Variants in NOX4 observed in about 807,000 individuals in gnomAD.
NOX4 encodes kidney oxidase-1.
A neutral mutation model predicts 87.6 loss-of-function variants in NOX4; 69 were observed. The ratio of observed to expected loss-of-function variants is 0.79; its 90% confidence interval spans 0.65 to 0.96. NOX4 has a LOEUF of 0.96. Among genes scored for constraint, NOX4 ranks in the 40% least tolerant of loss-of-function variants. NOX4 has a pLI of 0.00. For synonymous variants in NOX4, 275 were observed against 238.2 expected (o/e 1.15, Z -1.42); for missense variants, 680 against 681.5 (o/e 1.00, Z 0.02).
At chr11:89,556,287 A>T in the NOX4 span, among the ~76,000 whole-genome samples, 10 of 152,012 alleles carry the variant, frequency 6.6e-5, no homozygotes, top group African/African-American at 2.4e-4. Context: ...AAATTCTAGC[A>T]CAAGGCGAGT....
At chr11:89,329,515 G>A (rs770486609) in intron 17 of NOX4, among the ~76,000 whole-genome samples, 78 of 149,550 alleles carry the variant, frequency 5.2e-4, no homozygotes, top group Non-Finnish European at 1.0e-3. Context: ...AAATCTCAAG[G>A]AGAATAAACA....
At chr11:89,464,610 A>G (rs1359051418) in intron 2 of NOX4, among the ~76,000 whole-genome samples, 1 of 152,158 alleles carries the variant, frequency 6.6e-6, no homozygotes, top group Non-Finnish European at 1.5e-5. Flanking sequence ...TTATGTGTCC[A>G]GTCCATTCTA....
At chr11:89,471,328 A>T (rs527573353) in intron 2 of NOX4, among the ~76,000 whole-genome samples, 1 of 152,314 alleles carries the variant, frequency 6.6e-6, no homozygotes, top group South Asian at 2.1e-4. Context: ...TTAATAAATA[A>T]AATTGTTTCT....
At chr11:89,376,584 T>C (rs1347074119) in intron 11 of NOX4, among the ~76,000 whole-genome samples, 2 of 152,164 alleles carry the variant, frequency 1.3e-5, no homozygotes, top group East Asian at 1.9e-4. Context: ...CACATATTAA[T>C]ATTAAAATAA....
intron 15 of NOX4, 87 bp downstream of exon 15, chr11:89,339,976 T>A: frequency 3.1e-6 from 2 of 645,132 alleles, no homozygotes; most frequent in Non-Finnish European, 5.3e-6. Flanking sequence ...GTTTATTCTA[T>A]GGCAAGCATT....
rs751866596 is a variant in NOX4, at chr11:89,444,283, T to C, written c.350-51A>G. On this transcript the variant is annotated intron_variant, in intron 4 of 17. Coordinates refer to ENST00000263317, the MANE Select transcript of NOX4 (RefSeq NM_016931.5). ...TAGTGGGATTTGCATATATGCTCTA[T>C]GTCAAGGACTCAGTTCTTCCTCTCC... 9 of 1,459,216 alleles carry C rather than the reference T, an allele frequency of 6.2e-6. No individual in the cohort carries two copies. In the Admixed American group the frequency reaches 1.0e-4, roughly 16 times the overall value. 90.4% of individuals were successfully genotyped at this position (1,459,216 alleles called of 1,614,324 possible). A position where few individuals can be genotyped will look rare whatever the true frequency, so the allele number is the denominator to read the frequency against.
intron 2 of NOX4, among the ~76,000 whole-genome samples, chr11:89,481,879 T>C (rs1946404163): frequency 6.6e-6 from 1 of 152,048 alleles, no homozygotes; most frequent in African/African-American, 2.4e-5. Flanking sequence ...CAACTATGAC[T>C]AGGACTAGGG....
At chr11:89,504,028 C>A in the NOX4 span, among the ~76,000 whole-genome samples, 1 of 151,346 alleles carries the variant, frequency 6.6e-6, no homozygotes, top group Non-Finnish European at 1.5e-5. Flanking sequence ...GTATGCAATG[C>A]TGTGGGGTAC....
the NOX4 span, among the ~76,000 whole-genome samples, chr11:89,538,430 T>C: frequency 6.6e-6 from 1 of 152,232 alleles, no homozygotes; most frequent in Non-Finnish European, 1.5e-5. Flanking sequence ...AATTATTTAT[T>C]TGAAGCATCT....
At chr11:89,353,789 C>A (rs1190567533) in intron 13 of NOX4, among the ~76,000 whole-genome samples, 1 of 152,134 alleles carries the variant, frequency 6.6e-6, no homozygotes, top group Non-Finnish European at 1.5e-5. Flanking sequence ...TGCCAACAGC[C>A]ACTGTAAGTA....
At chr11:89,517,201 GT>G in the NOX4 span, among the ~76,000 whole-genome samples, 1 of 152,004 alleles carries the variant, frequency 6.6e-6, no homozygotes, top group Non-Finnish European at 1.5e-5. Context: ...TTAAAAATGT[GT>G]TTCTAACAAG....
intron 7 of NOX4, among the ~76,000 whole-genome samples, chr11:89,422,266 G>C (rs374024989): frequency 6.6e-6 from 1 of 151,362 alleles, no homozygotes; most frequent in African/African-American, 2.5e-5. Flanking sequence ...ATGATATAAG[G>C]CTAAGAAGCA....
intron 7 of NOX4, among the ~76,000 whole-genome samples, chr11:89,426,823 A>G (rs1943446041): frequency 1.3e-5 from 2 of 152,218 alleles, no homozygotes; most frequent in Admixed American, 6.5e-5. Flanking sequence ...AAAAGGCAGC[A>G]GAAACCTCTG....
At position 89,325,091 on chromosome 11, in the gene NOX4, C is replaced by T. The variant is rs1467286550; in HGVS notation, c.*1665G>A. Reference sequence around the variant, plus strand: ...GATAGCCGACTACTAAACAAAATCACTAAACTGTATGAATGCTTTAATTCT... The same window carrying T: ...GATAGCCGACTACTAAACAAAATCATTAAACTGTATGAATGCTTTAATTCT... On this transcript the variant is annotated 3_prime_UTR_variant, in exon 18 of 18. Transcript: ENST00000263317. The T allele has an allele frequency of 7.0e-6, 1 of 143,364 alleles. No homozygotes were observed. Among genetic ancestry groups the T allele is most frequent in the Non-Finnish European group, 1.5e-5 (1 of 66,544 alleles). The allele number at this position is 143,364 out of a possible 1,614,324, so 8.9% of individuals were successfully genotyped here.
chr11:89,566,595 C>CA, the NOX4 span, among the ~76,000 whole-genome samples: 10 of 151,932 alleles, frequency 6.6e-5, no homozygotes, highest in Non-Finnish European at 1.3e-4. Context: ...AATACACATG[C>CA]AAAAAAGCGA....
intron 2 of NOX4, among the ~76,000 whole-genome samples, chr11:89,458,898 A>G (rs575094235): frequency 6.6e-6 from 1 of 152,318 alleles, no homozygotes; most frequent in Admixed American, 6.5e-5. Flanking sequence ...TAGTTTTGCA[A>G]TTTCTCAACG....
chr11:89,336,131 T>A (rs1945703629), intron 16 of NOX4, 186 bp from the exon 17 acceptor site: 2 of 406,038 alleles, frequency 4.9e-6, no homozygotes, highest in Admixed American at 9.1e-5. Context: ...CTTTTAAAAT[T>A]CATTATCTCC....
At chr11:89,416,276 T>C (rs372506595) in intron 8 of NOX4, among the ~76,000 whole-genome samples, 191 of 152,260 alleles carry the variant, frequency 1.3e-3, no homozygotes, top group South Asian at 9.5e-3. Flanking sequence ...CCCTCAGTAC[T>C]AGAATAGGAT....
At chr11:89,385,033 T>C (rs1386970352) in intron 11 of NOX4, among the ~76,000 whole-genome samples, 1 of 152,124 alleles carries the variant, frequency 6.6e-6, no homozygotes, top group Non-Finnish European at 1.5e-5. Context: ...CTTCCACATC[T>C]ATCCTTGAGG....
Sources: allele counts gnomAD v4.1 joint callset (sites outside exome capture counted in the v4.1 genomes callset), GRCh38; gene constraint gnomAD v4.1.1; transcripts MANE v1.5; gene names NCBI Gene and HGNC (gene_info 2026-07-23, HGNC 2026-07-21).